PGR: variants seen among roughly 807,000 people sequenced by gnomAD.
PGR encodes the protein progesterone receptor.
Under a neutral mutation model 76.1 loss-of-function variants are expected in PGR, and 25 were observed. That is an observed-to-expected ratio of 0.33 (90% CI 0.24 to 0.46). PGR has a LOEUF of 0.46. Among genes scored for constraint, PGR ranks in the 20% least tolerant of loss-of-function variants. The pLI is 1.00. For missense variants in PGR, 1,172 were observed against 1,225.3 expected (o/e 0.96, Z 0.65); for synonymous variants, 579 against 535.0 (o/e 1.08, Z -1.14).
chr11:101,106,092 A>C (rs1862153333), intron 2 of PGR, among the ~76,000 whole-genome samples: 1 of 152,216 alleles, frequency 6.6e-6, no homozygotes, highest in Non-Finnish European at 1.5e-5. Context: ...TGGATTAAAG[A>C]CTTAAATGTA....
chr11:101,089,816 C>T (rs1203348213), intron 3 of PGR, among the ~76,000 whole-genome samples: 2 of 152,042 alleles, frequency 1.3e-5, no homozygotes, highest in Admixed American at 6.6e-5. Flanking sequence ...CTGTGAAGCC[C>T]GTAGAATATG....
At chr11:101,052,571 A>G (rs1274440884) in intron 4 of PGR, among the ~76,000 whole-genome samples, 1 of 152,110 alleles carries the variant, frequency 6.6e-6, no homozygotes, top group Non-Finnish European at 1.5e-5. Flanking sequence ...AAGTCTATTA[A>G]GGAGCAATGG....
chr11:101,116,859 A>G (rs919095724), intron 2 of PGR, among the ~76,000 whole-genome samples: 36 of 152,260 alleles, frequency 2.4e-4, no homozygotes, highest in African/African-American at 8.4e-4. Context: ...AGCAAGATCA[A>G]ATGGGTACAA....
chr11:101,087,286 C>T (rs1861529170), intron 3 of PGR, among the ~76,000 whole-genome samples: 1 of 152,190 alleles, frequency 6.6e-6, no homozygotes, highest in Non-Finnish European at 1.5e-5. Flanking sequence ...TGCACACCTA[C>T]AGCCATCTGA....
At chr11:101,119,476 T>C (rs1217369126) in intron 2 of PGR, among the ~76,000 whole-genome samples, 1 of 152,176 alleles carries the variant, frequency 6.6e-6, no homozygotes, top group African/African-American at 2.4e-5. Context: ...GAGTGAGCAG[T>C]TGGACTTTAA....
chr11:101,098,775 G>T (rs555572), intron 2 of PGR, among the ~76,000 whole-genome samples: 5 of 152,052 alleles, frequency 3.3e-5, no homozygotes, highest in East Asian at 1.9e-4. Context: ...GAGAGTGGCA[G>T]GGCTGAACTA....
intron 3 of PGR, among the ~76,000 whole-genome samples, chr11:101,087,441 T>A (rs1440635789): frequency 1.3e-5 from 2 of 152,166 alleles, no homozygotes; most frequent in African/African-American, 2.4e-5. Flanking sequence ...TCAAGGTAGA[T>A]TAAAGATTTA....
rs1859473448 is a variant in PGR, at chr11:101,035,352, G to C, written c.*3764C>G. 4.3e-6 allele frequency: 1 copy of C among 230,896 alleles called. No homozygotes were observed. Among genetic ancestry groups the C allele is most frequent in the African/African-American group, 2.2e-5 (1 of 45,232 alleles). The allele number at this position is 230,896 out of a possible 1,614,324, so 14.3% of individuals were successfully genotyped here. On this transcript the variant is annotated 3_prime_UTR_variant, in exon 8 of 8. Transcript: ENST00000325455. ...CTGACTTCTGATGTGTGAAGGATAAGTATGGATGAGAGAAACTGCTCAGGT... is the reference window on the plus strand; with the variant it reads ...CTGACTTCTGATGTGTGAAGGATAACTATGGATGAGAGAAACTGCTCAGGT...
At chr11:101,044,650 T>C (rs578252984) in intron 6 of PGR, among the ~76,000 whole-genome samples, 10 of 152,100 alleles carry the variant, frequency 6.6e-5, no homozygotes, top group Admixed American at 5.9e-4. Context: ...AACTCTTTCT[T>C]TTACTGGAAC....
chr11:101,041,633 T>G (rs979226449), intron 7 of PGR: 4 of 275,634 alleles, frequency 1.5e-5, no homozygotes, highest in Non-Finnish European at 2.8e-5. Flanking sequence ...TTGTTTTTAC[T>G]GTATATATAA....
intron 7 of PGR, 112 bp downstream of exon 7, chr11:101,041,833 A>G (rs1313060813): frequency 1.1e-6 from 1 of 946,602 alleles, no homozygotes; most frequent in African/African-American, 1.6e-5. Flanking sequence ...CTTTTAACAT[A>G]CAAGTATTAA....
At chr11:101,101,310 A>G (rs193090182) in intron 2 of PGR, among the ~76,000 whole-genome samples, 1 of 152,282 alleles carries the variant, frequency 6.6e-6, no homozygotes, top group Non-Finnish European at 1.5e-5. Context: ...GAAAGAAACA[A>G]GAGGAACTCA....
intron 4 of PGR, among the ~76,000 whole-genome samples, chr11:101,059,842 C>CAAAA (rs781123527): frequency 2.7e-4 from 17 of 62,724 alleles, no homozygotes; most frequent in East Asian, 1.2e-3. Flanking sequence ...GACCCTCTCT[C>CAAAA]AAAAAAAAAA....
chr11:101,128,316 C>G lies in PGR; in HGVS notation c.755G>C (p.Gly252Ala). ...CGCCCCCGGCGGGACAGCCGCGGCTCCTCCTCCAGCCGCCGCGCCACCCAG... is the reference window on the plus strand; with the variant it reads ...CGCCCCCGGCGGGACAGCCGCGGCTGCTCCTCCAGCCGCCGCGCCACCCAG... ...RALGGAAAGG[G>A]AAAVPPGAAA... is the part of the protein sequence containing the mutation. The change falls in exon 1 of 8, where the codon GGA (glycine) becomes GCA (alanine). Residue 252 changes from glycine to alanine, a missense_variant. Transcript: ENST00000325455. 1 of 1,594,514 alleles carries G rather than the reference C, an allele frequency of 6.3e-7. No homozygotes were observed. Among genetic ancestry groups the G allele is most frequent in the South Asian group, 1.1e-5 (1 of 90,376 alleles).
chr11:101,082,824 A>G (rs1340943387), intron 3 of PGR, among the ~76,000 whole-genome samples: 1 of 152,222 alleles, frequency 6.6e-6, no homozygotes, highest in Admixed American at 6.5e-5. Context: ...AGCAAAAAAT[A>G]TATTGGAATA....
intron 2 of PGR, among the ~76,000 whole-genome samples, chr11:101,114,123 T>C (rs1425473688): frequency 2.0e-5 from 3 of 152,208 alleles, no homozygotes; most frequent in Non-Finnish European, 2.9e-5. Context: ...GTCTAATACT[T>C]AGTCAGGATT....
intron 3 of PGR, 115 bp from the exon 4 acceptor site, chr11:101,062,867 G>GAATGA (rs11571221): frequency 0.75 from 458,625 of 612,774 alleles, 175,077 homozygotes; most frequent in East Asian, 0.99. Context: ...AGCATCAATC[G>GAATGA]AATGAAATAG....
At chr11:101,113,275 T>C (rs1308584137) in intron 2 of PGR, among the ~76,000 whole-genome samples, 4 of 152,062 alleles carry the variant, frequency 2.6e-5, no homozygotes, top group Admixed American at 2.6e-4. Context: ...ATCTTCTTTT[T>C]TTTTTTCCCA....
At chr11:101,064,382 G>T (rs1234066543) in intron 3 of PGR, among the ~76,000 whole-genome samples, 2 of 119,882 alleles carry the variant, frequency 1.7e-5, no homozygotes, top group Non-Finnish European at 3.4e-5. Flanking sequence ...CAGCCCCAAC[G>T]AGTTGAGCTA....
Sources: allele counts gnomAD v4.1 joint callset (sites outside exome capture counted in the v4.1 genomes callset), GRCh38; gene constraint gnomAD v4.1.1; transcripts MANE v1.5; gene names NCBI Gene and HGNC (gene_info 2026-07-23, HGNC 2026-07-21).